Variants in CADPS2 observed in about 807,000 individuals in gnomAD.
CADPS2 encodes calcium-dependent secretion activator 2.
In CADPS2, 93 loss-of-function variants were observed where a neutral mutation model predicts 172.5. The ratio of observed to expected loss-of-function variants is 0.54; its 90% confidence interval spans 0.46 to 0.64. The LOEUF (loss-of-function observed/expected upper bound fraction) is 0.64. Ranked by LOEUF, CADPS2 falls within the 30% of genes least tolerant of loss-of-function variation. The pLI is 0.00. For missense variants in CADPS2, 1,420 were observed against 1,565.9 expected (o/e 0.91, Z 1.57); for synonymous variants, 546 against 555.2 (o/e 0.98, Z 0.23).
At chr7:122,439,017 G>A (rs959863715) in intron 16 of CADPS2, among the ~76,000 whole-genome samples, 1 of 151,830 alleles carries the variant, frequency 6.6e-6, no homozygotes, top group African/African-American at 2.4e-5. Flanking sequence ...ATTCAAAGAG[G>A]GAGAAGGAGA....
chr7:122,625,934 G>A (rs908608633), intron 4 of CADPS2, among the ~76,000 whole-genome samples: 2 of 152,042 alleles, frequency 1.3e-5, no homozygotes, highest in African/African-American at 2.4e-5. Context: ...CTGTCTCTCT[G>A]GAGAACCTGA....
At chr7:122,743,113 T>C (rs1401651982) in intron 1 of CADPS2, among the ~76,000 whole-genome samples, 3 of 152,096 alleles carry the variant, frequency 2.0e-5, no homozygotes, top group Non-Finnish European at 2.9e-5. Flanking sequence ...ATAAGGCACA[T>C]CCTATATAAA....
At chr7:122,671,802 T>A (rs1317071353) in intron 2 of CADPS2, among the ~76,000 whole-genome samples, 1 of 152,128 alleles carries the variant, frequency 6.6e-6, no homozygotes, top group Non-Finnish European at 1.5e-5. Context: ...TGGAGAGTAT[T>A]TAGCAGAGGA....
intron 2 of CADPS2, among the ~76,000 whole-genome samples, chr7:122,729,452 C>T (rs947487685): frequency 6.6e-6 from 1 of 151,724 alleles, no homozygotes; most frequent in African/African-American, 2.4e-5. Flanking sequence ...ATACTGTTTT[C>T]TGTAGAGGTT....
At chr7:122,841,545 G>A (rs1011182678) in intron 1 of CADPS2, among the ~76,000 whole-genome samples, 10 of 152,100 alleles carry the variant, frequency 6.6e-5, no homozygotes, top group African/African-American at 4.8e-5. Context: ...ACTTATCAAA[G>A]TAGAGACAGA....
intron 7 of CADPS2, among the ~76,000 whole-genome samples, chr7:122,561,322 C>A (rs2065741313): frequency 1.1e-5 from 1 of 91,602 alleles, no homozygotes; most frequent in South Asian, 4.7e-4. Flanking sequence ...CATCTCCTTC[C>A]TTCTATACAC....
At chr7:122,664,548 A>C (rs1277798580) in intron 2 of CADPS2, among the ~76,000 whole-genome samples, 2 of 152,218 alleles carry the variant, frequency 1.3e-5, no homozygotes, top group Non-Finnish European at 2.9e-5. Context: ...ATTTGGCCTT[A>C]AATCTCTCTG....
intron 4 of CADPS2, among the ~76,000 whole-genome samples, chr7:122,628,611 A>T (rs918272976): frequency 6.6e-6 from 1 of 151,500 alleles, no homozygotes; most frequent in Non-Finnish European, 1.5e-5. Context: ...TTCACTAAAG[A>T]ATGATTTAGA....
chr7:122,447,919 G>A (rs2052515158), intron 15 of CADPS2, among the ~76,000 whole-genome samples: 1 of 151,968 alleles, frequency 6.6e-6, no homozygotes, highest in South Asian at 2.1e-4. Context: ...TTCACCAAAG[G>A]GAATATAAAA....
At chr7:122,781,158 C>A (rs896364834) in intron 1 of CADPS2, among the ~76,000 whole-genome samples, 4 of 152,146 alleles carry the variant, frequency 2.6e-5, no homozygotes, top group African/African-American at 7.2e-5. Context: ...TAATTTGAAT[C>A]TTTTCATAAA....
At position 122,480,838 on chromosome 7, in the gene CADPS2, A is replaced by G; in HGVS notation, c.1861+14T>C. 2 of 1,507,746 alleles carry G rather than the reference A, an allele frequency of 1.3e-6. No homozygotes were observed. The highest frequency in any genetic ancestry group is 1.8e-6 in the Non-Finnish European group (2 of 1,128,578). The allele number at this position is 1,507,746 out of a possible 1,614,324, so 93.4% of individuals were successfully genotyped here. The stretch of plus-strand genomic sequence containing the variant: ...TTTAAAACATCTAATTTTAAAAATC[A>G]TGAAAATACTTACCTTTACCAGCTA... On this transcript the variant is annotated intron_variant, in intron 12 of 29. Transcript: ENST00000449022.
chr7:122,878,260 A>AG (rs999800503), intron 1 of CADPS2, among the ~76,000 whole-genome samples: 7 of 109,176 alleles, frequency 6.4e-5, no homozygotes, highest in African/African-American at 1.8e-4. Flanking sequence ...CTCCGTCTCA[A>AG]GAAAAAAAAA....
intron 19 of CADPS2, chr7:122,407,919 A>G: frequency 2.1e-6 from 1 of 481,588 alleles, no homozygotes; most frequent in Non-Finnish European, 3.7e-6. Flanking sequence ...TAAAATGTAC[A>G]AGGACATTTA....
chr7:122,883,892 T>C (rs1208580008), intron 1 of CADPS2, among the ~76,000 whole-genome samples: 1 of 152,216 alleles, frequency 6.6e-6, no homozygotes, highest in South Asian at 2.1e-4. Flanking sequence ...AAATTATCTT[T>C]GGTAATGCCT....
intron 14 of CADPS2, among the ~76,000 whole-genome samples, chr7:122,463,512 G>A (rs1361540126): frequency 6.6e-6 from 1 of 152,040 alleles, no homozygotes; most frequent in African/African-American, 2.4e-5. Context: ...AAATTACTTA[G>A]AATCAATTTT....
chr7:122,393,395 G>C, intron 21 of CADPS2, 46 bp downstream of exon 21: 1 of 1,613,148 alleles, frequency 6.2e-7, no homozygotes, highest in South Asian at 1.1e-5. Context: ...CATAAGGTCA[G>C]GGTTGAAGAG....
intron 1 of CADPS2, among the ~76,000 whole-genome samples, chr7:122,747,049 A>G (rs2092746429): frequency 6.6e-6 from 1 of 152,138 alleles, no homozygotes; most frequent in Admixed American, 6.6e-5. Context: ...TAACCTCATC[A>G]AAAGCAAATG....
At chr7:122,524,324 T>A (rs1181311091) in intron 8 of CADPS2, among the ~76,000 whole-genome samples, 1 of 152,186 alleles carries the variant, frequency 6.6e-6, no homozygotes. Context: ...TTTCCTTTTT[T>A]TTGGAAATGT....
chr7:122,346,925 G>A (rs997251412), intron 27 of CADPS2, among the ~76,000 whole-genome samples: 1 of 152,296 alleles, frequency 6.6e-6, no homozygotes, highest in Middle Eastern at 3.4e-3. Context: ...GTATTGAGTT[G>A]TTGATTAGAG....
Sources: allele counts gnomAD v4.1 joint callset (sites outside exome capture counted in the v4.1 genomes callset), GRCh38; gene constraint gnomAD v4.1.1; transcripts MANE v1.5; gene names NCBI Gene and HGNC (gene_info 2026-07-23, HGNC 2026-07-21).